Variants in SLC25A33 observed in about 807,000 individuals in gnomAD.
The protein encoded by SLC25A33 is solute carrier family 25 member 33.
A neutral mutation model predicts 35.5 loss-of-function variants in SLC25A33; 15 were observed. That is an observed-to-expected ratio of 0.42 (90% confidence interval 0.28 to 0.65). The LOEUF is 0.65. Among genes scored for constraint, SLC25A33 ranks in the 30% least tolerant of loss-of-function variants. The pLI, the probability that SLC25A33 is intolerant of heterozygous loss-of-function variation, is 0.20. For synonymous variants in SLC25A33, 136 were observed against 148.7 expected, an observed-to-expected ratio of 0.91 and a Z score of 0.62; for missense variants, 257 against 398.5, an observed-to-expected ratio of 0.64 and a Z score of 3.02.
chr1:9,544,043 T>A (rs772598921), intron 1 of SLC25A33, among the ~76,000 whole-genome samples: 1 of 151,894 alleles, frequency 6.6e-6, no homozygotes, highest in Non-Finnish European at 1.5e-5. Context: ...AGGTGGAGGT[T>A]GCAGTGAGCT....
At chr1:9,573,888 G>A (rs1259711912) in intron 5 of SLC25A33, among the ~76,000 whole-genome samples, 3 of 152,168 alleles carry the variant, frequency 2.0e-5, no homozygotes, top group African/African-American at 4.8e-5. Context: ...GTAACATTTT[G>A]TGGGGCTCTG....
intron 5 of SLC25A33, chr1:9,577,095 G>A: frequency 1.9e-6 from 1 of 530,270 alleles, no homozygotes; most frequent in Non-Finnish European, 3.3e-6. Flanking sequence ...GAAAAGAATA[G>A]CCAGGTGGGG....
chr1:9,571,968 T>A (rs1440532723), intron 4 of SLC25A33, among the ~76,000 whole-genome samples: 1 of 152,180 alleles, frequency 6.6e-6, no homozygotes, highest in Non-Finnish European at 1.5e-5. Context: ...GAACTTAAAT[T>A]GGCATTTTAC....
intron 5 of SLC25A33, chr1:9,576,939 G>A: frequency 2.3e-6 from 3 of 1,293,456 alleles, no homozygotes; most frequent in Non-Finnish European, 3.3e-6. Flanking sequence ...TTTGGGGATG[G>A]TATCTATGTC....
intron 2 of SLC25A33, among the ~76,000 whole-genome samples, chr1:9,562,347 C>CA (rs56748646): frequency 0.2 from 16,697 of 83,954 alleles, 3,527 homozygotes; most frequent in African/African-American, 0.52. Flanking sequence ...GACTCCATCT[C>CA]AAAAAAAAAA....
At chr1:9,576,241 C>T (rs1643659717) in intron 5 of SLC25A33, among the ~76,000 whole-genome samples, 1 of 152,178 alleles carries the variant, frequency 6.6e-6, no homozygotes, top group Admixed American at 6.5e-5. Flanking sequence ...TAGGAACTTA[C>T]AGCTTCACAG....
At position 9,552,949 on chromosome 1, in the gene SLC25A33, G is replaced by C. The variant is rs988594137; in HGVS notation, c.57-677G>C. Among the ~76,000 whole-genome samples, 3 of 107,586 alleles carry C rather than the reference G, an allele frequency of 2.8e-5. No homozygotes were observed. In the East Asian group the frequency reaches 8.7e-4, roughly 31 times the overall value. 70.6% of individuals were successfully genotyped at this position (107,586 alleles called of 152,430 possible). ...TTTTTTTTTTTTGAGATGGAGTCTT[G>C]CTCTGTTGCCCAGGCTGGAGTGCAA... On this transcript the variant is annotated intron_variant, in intron 1 of 6. Transcript: ENST00000302692.
chr1:9,552,495 G>A (rs113298882), intron 1 of SLC25A33, among the ~76,000 whole-genome samples: 204 of 152,196 alleles, frequency 1.3e-3, no homozygotes, highest in African/African-American at 4.7e-3. Context: ...GCCTCCCAGA[G>A]TGGTAGTATT....
At chr1:9,573,499 G>A in intron 5 of SLC25A33, 87 bp downstream of exon 5, 1 of 1,071,620 alleles carries the variant, frequency 9.3e-7, no homozygotes. Context: ...CTAAGGATGA[G>A]ATATAGAGAT....
chr1:9,556,352 C>A, intron 2 of SLC25A33: 2 of 675,822 alleles, frequency 3.0e-6, no homozygotes, highest in Non-Finnish European at 3.7e-6. Context: ...GAACTGTTAC[C>A]CAAAAGTGTG....
intron 3 of SLC25A33, among the ~76,000 whole-genome samples, chr1:9,569,492 C>T (rs750838465): frequency 2.7e-4 from 41 of 152,274 alleles, no homozygotes; most frequent in Middle Eastern, 3.4e-3. Flanking sequence ...ACCCTGGTAA[C>T]CTGATGCAGA....
chr1:9,571,475 A>T (rs1643590101), intron 4 of SLC25A33, among the ~76,000 whole-genome samples: 1 of 151,102 alleles, frequency 6.6e-6, no homozygotes, highest in Non-Finnish European at 1.5e-5. Context: ...TTGTATTTTT[A>T]GTAGAGGCAG....
chr1:9,553,203 G>GTTTTTTTT (rs550067186), intron 1 of SLC25A33, among the ~76,000 whole-genome samples: 1 of 56,482 alleles, frequency 1.8e-5, no homozygotes, highest in Non-Finnish European at 3.2e-5. Flanking sequence ...TTCTAGTTTT[G>GTTTTTTTT]TTTTTTTTTT....
chr1:9,580,745 A>G (rs1165780020), intron 6 of SLC25A33, among the ~76,000 whole-genome samples: 3 of 151,858 alleles, frequency 2.0e-5, no homozygotes, highest in Non-Finnish European at 4.4e-5. Flanking sequence ...AGTCCCAGCT[A>G]CTTGGGAAGC....
chr1:9,562,225 G>A (rs1247525445), intron 2 of SLC25A33, among the ~76,000 whole-genome samples: 1 of 150,348 alleles, frequency 6.7e-6, no homozygotes, highest in Non-Finnish European at 1.5e-5. Flanking sequence ...GTGTACACCT[G>A]TAATCCCAGC....
chr1:9,568,931 T>A (rs1186048552), intron 3 of SLC25A33, among the ~76,000 whole-genome samples: 1 of 151,752 alleles, frequency 6.6e-6, no homozygotes, highest in African/African-American at 2.4e-5. Flanking sequence ...TATAGAATTC[T>A]TCCAGATCAG....
intron 5 of SLC25A33, 70 bp from the exon 6 acceptor site, chr1:9,579,884 C>A: frequency 2.0e-6 from 3 of 1,522,102 alleles, no homozygotes; most frequent in South Asian, 1.3e-5. Context: ...ACCTGTTCTC[C>A]TACTGTGTGA....
intron 1 of SLC25A33, among the ~76,000 whole-genome samples, chr1:9,544,839 A>C (rs188168885): frequency 6.6e-6 from 1 of 152,218 alleles, no homozygotes; most frequent in Admixed American, 6.5e-5. Flanking sequence ...GCATGTATGC[A>C]TAGGGAGCAG....
chr1:9,543,225 C>T (rs1374300051), intron 1 of SLC25A33, among the ~76,000 whole-genome samples: 1 of 151,802 alleles, frequency 6.6e-6, no homozygotes, highest in Non-Finnish European at 1.5e-5. Context: ...CTCACTGCAA[C>T]CTCTACCTCC....
Sources: allele counts gnomAD v4.1 joint callset (sites outside exome capture counted in the v4.1 genomes callset), GRCh38; gene constraint gnomAD v4.1.1; transcripts MANE v1.5; gene names NCBI Gene and HGNC (gene_info 2026-07-23, HGNC 2026-07-21).